FRK: variants seen among roughly 807,000 people sequenced by gnomAD.
FRK encodes the protein fyn related Src family tyrosine kinase.
In FRK, 51 loss-of-function variants were observed where a neutral mutation model predicts 56.4. That is an observed-to-expected ratio of 0.90 (90% CI 0.72 to 1.14). FRK has a LOEUF of 1.14. Among genes scored for constraint, FRK ranks in the 50% most tolerant of loss-of-function variants. FRK has a pLI of 0.00. For synonymous variants in FRK, 245 were observed against 217.9 expected (o/e 1.12, Z -1.10); for missense variants, 570 against 601.4 (o/e 0.95, Z 0.55).
intron 1 of FRK, among the ~76,000 whole-genome samples, chr6:116,045,029 T>C (rs1256435797): frequency 6.6e-6 from 1 of 152,104 alleles, no homozygotes; most frequent in Non-Finnish European, 1.5e-5. Flanking sequence ...TTACAAGGGA[T>C]GTGAAGGACC....
intron 1 of FRK, among the ~76,000 whole-genome samples, chr6:116,021,308 C>A (rs1166414440): frequency 6.6e-6 from 1 of 151,960 alleles, no homozygotes; most frequent in Admixed American, 6.6e-5. Context: ...CGCCATACAT[C>A]ATTTTGATGT....
At position 116,060,317 on chromosome 6, in the gene FRK, C is replaced by G; in HGVS notation, c.-6G>C. On this transcript the variant is annotated 5_prime_UTR_variant, in exon 1 of 8. Coordinates refer to ENST00000606080, the MANE Select transcript of FRK (RefSeq NM_002031.3). ...CTCTGACAGATGTTGCTCATTGTGC[C>G]TTGGTGGGGAGAAGAGGAGCAGGGC... is the stretch of plus-strand genomic sequence containing the variant. The G allele has an allele frequency of 6.2e-7, 1 of 1,609,094 alleles. No individual in the cohort carries two copies. Among genetic ancestry groups the G allele is most frequent in the Non-Finnish European group, 8.5e-7 (1 of 1,177,056 alleles).
chr6:116,089,208 A>G, the FRK span, among the ~76,000 whole-genome samples: 1 of 152,218 alleles, frequency 6.6e-6, no homozygotes, highest in African/African-American at 2.4e-5. Context: ...AAATGCTTCC[A>G]TTATATCTTT....
At chr6:116,022,010 A>G (rs752472867) in intron 1 of FRK, among the ~76,000 whole-genome samples, 1 of 152,010 alleles carries the variant, frequency 6.6e-6, no homozygotes, top group Non-Finnish European at 1.5e-5. Context: ...AGATTCTCAC[A>G]TATATTAAAT....
Position 115,937,982 on chromosome 6 carries a change from A to C in FRK, c.*4432T>G, listed in dbSNP as rs1772081620. On this transcript the variant is annotated 3_prime_UTR_variant, in exon 8 of 8. Transcript: ENST00000606080. ...CAGCTCTGGACCAAGTGGACCTAAC[A>C]GACATCTACAGAATTCTCTACCCCA... 6.6e-6 allele frequency: 1 copy of C among 152,246 alleles called. No homozygotes were observed. The highest frequency in any genetic ancestry group is 1.5e-5 in the Non-Finnish European group (1 of 68,046). 9.4% of individuals were successfully genotyped at this position (152,246 alleles called of 1,614,324 possible).
intron 7 of FRK, 104 bp downstream of exon 7, chr6:115,942,916 G>A (rs1391720736): frequency 1.8e-6 from 2 of 1,135,808 alleles, no homozygotes; most frequent in East Asian, 4.8e-5. Context: ...GTATGGTATG[G>A]TCAGCCTCAT....
intron 4 of FRK, among the ~76,000 whole-genome samples, chr6:115,959,432 G>C (rs1562258313): frequency 6.6e-6 from 1 of 152,132 alleles, no homozygotes; most frequent in Non-Finnish European, 1.5e-5. Flanking sequence ...AGAATTATTA[G>C]ATTGGACAAT....
chr6:116,069,233 CT>C, the FRK span, among the ~76,000 whole-genome samples: 1 of 152,112 alleles, frequency 6.6e-6, no homozygotes. Flanking sequence ...TCTCTGAGGA[CT>C]TTTTTCTCAA....
intron 1 of FRK, among the ~76,000 whole-genome samples, chr6:116,037,133 A>G (rs1776517450): frequency 6.6e-6 from 1 of 152,118 alleles, no homozygotes; most frequent in Admixed American, 6.5e-5. Context: ...CTAATACCCT[A>G]CAGAAGCCTT....
chr6:115,947,717 G>C (rs1344865951), intron 5 of FRK, among the ~76,000 whole-genome samples: 1 of 152,116 alleles, frequency 6.6e-6, no homozygotes, highest in African/African-American at 2.4e-5. Context: ...TTTGTATTAA[G>C]TCATAGAGAG....
intron 1 of FRK, among the ~76,000 whole-genome samples, chr6:116,026,542 A>AGAAGGAAGGAAG (rs10584062): frequency 9.1e-4 from 126 of 138,376 alleles, no homozygotes; most frequent in African/African-American, 2.9e-3. Context: ...AAGGGAGGAA[A>AGAAGGAAGGAAG]GAAGGAAGGA....
intron 1 of FRK, among the ~76,000 whole-genome samples, chr6:116,022,168 T>G (rs1236441725): frequency 6.6e-6 from 1 of 152,028 alleles, no homozygotes; most frequent in East Asian, 1.9e-4. Flanking sequence ...AGAAATTACA[T>G]TCATAATTTA....
At chr6:116,038,809 G>T (rs776244844) in intron 1 of FRK, 6 of 504,812 alleles carry the variant, frequency 1.2e-5, no homozygotes, top group South Asian at 4.8e-5. Context: ...ACCGACGGAA[G>T]AAGAGCCTGG....
chr6:116,074,691 G>A, the FRK span, among the ~76,000 whole-genome samples: 6 of 152,156 alleles, frequency 3.9e-5, no homozygotes, highest in East Asian at 1.9e-4. Context: ...GAAGTCAGAC[G>A]GGAGGAGTCT....
Position 115,976,241 on chromosome 6 carries a change from A to G in FRK, c.467-7502T>C, listed in dbSNP as rs1318995415. ...GAAAAGGGTTTCTCTGCCACTATAT[A>G]AAAGAATACTGTGAGATTTTATCAT... is the stretch of plus-strand genomic sequence containing the variant. On this transcript the variant is annotated intron_variant, in intron 2 of 7. Transcript: ENST00000606080. 3.9e-5 allele frequency among the ~76,000 whole-genome samples: 6 copies of G among 152,182 alleles called. No homozygotes were observed. In the East Asian group the frequency reaches 9.6e-4, roughly 24 times the overall value.
At chr6:115,947,369 C>T (rs1772508877) in intron 5 of FRK, among the ~76,000 whole-genome samples, 1 of 148,516 alleles carries the variant, frequency 6.7e-6, no homozygotes, top group South Asian at 2.2e-4. Context: ...TATATATTTA[C>T]TTTTTTAAGG....
At chr6:116,062,367 A>G (rs1266915657), upstream of FRK, among the ~76,000 whole-genome samples, 5 of 152,144 alleles carry the variant, frequency 3.3e-5, no homozygotes, top group Non-Finnish European at 7.3e-5. Context: ...TGTTCCAAAT[A>G]CAATAATGGA....
intron 2 of FRK, among the ~76,000 whole-genome samples, chr6:115,996,259 C>G (rs1049579653): frequency 4.6e-5 from 7 of 152,114 alleles, no homozygotes; most frequent in Admixed American, 4.6e-4. Context: ...CCACAATGTT[C>G]GCATTAATTT....
chr6:116,061,638 TC>T (rs1442294702), upstream of FRK, among the ~76,000 whole-genome samples: 1 of 152,158 alleles, frequency 6.6e-6, no homozygotes, highest in Non-Finnish European at 1.5e-5. Flanking sequence ...TGCTTGACCT[TC>T]CCTAGTTCGG....
Sources: gnomAD v4.1 joint callset for allele counts (sites outside exome capture counted in the v4.1 genomes callset) on GRCh38, gnomAD v4.1.1 for gene constraint, MANE v1.5 for transcripts, NCBI Gene and HGNC (gene_info 2026-07-23, HGNC 2026-07-21) for gene names.